GNB2: variants seen among roughly 807,000 people sequenced by gnomAD.
The protein encoded by GNB2 is guanine nucleotide-binding protein G(I)/G(S)/G(T) subunit beta-2.
Under a neutral mutation model 40.7 loss-of-function variants are expected in GNB2, and 7 were observed. The ratio of observed to expected loss-of-function variants is 0.17; its 90% confidence interval spans 0.10 to 0.32. The LOEUF is 0.32. GNB2 is among the 10% of genes least tolerant of loss of function. GNB2 has a pLI of 1.00. For missense variants in GNB2, 286 were observed against 473.0 expected (o/e 0.60, Z 3.67); for synonymous variants, 254 against 191.2 (o/e 1.33, Z -2.71).
In GNB2 at chr7:100,679,093, C is replaced by T. The variant is rs1562859616; in HGVS notation, c.*292C>T. On this transcript the variant is annotated 3_prime_UTR_variant, in exon 10 of 10. Coordinates refer to ENST00000303210, the MANE Select transcript of GNB2 (RefSeq NM_005273.4). ...AGGAGGTGGAAACCCCAGGGGCTGG[C>T]TTTTTTAAAACTGGTTTTATTTTAA... The T allele has an allele frequency of 2.0e-5, 8 of 393,450 alleles. No individual in the cohort carries two copies. Among genetic ancestry groups the T allele is most frequent in the Non-Finnish European group, 3.6e-5 (8 of 220,126 alleles). The allele number at this position is 393,450 out of a possible 1,614,324, so 24.4% of individuals were successfully genotyped here.
In GNB2 at chr7:100,676,468, C is replaced by T. The variant is rs539713671; in HGVS notation, c.58-67C>T. Reference sequence around the variant, plus strand: ...ACCCTGTCCACTCCTGTCTTCTGTTCTCTTCTCTCCCTTTCCTCCCCAACC... The same window carrying T: ...ACCCTGTCCACTCCTGTCTTCTGTTTTCTTCTCTCCCTTTCCTCCCCAACC... On this transcript the variant is annotated intron_variant, in intron 2 of 9. Transcript: ENST00000303210. The T allele has an allele frequency of 1.9e-4, 270 of 1,417,604 alleles. 3 individuals are homozygous for T. In the South Asian group the frequency reaches 2.8e-3, roughly 15 times the overall value. The allele number at this position is 1,417,604 out of a possible 1,614,324, so 87.8% of individuals were successfully genotyped here. A position where few individuals can be genotyped will look rare whatever the true frequency, so the allele number is the denominator to read the frequency against.
At position 100,676,304 on chromosome 7, in the gene GNB2, G is replaced by C; in HGVS notation, c.39G>C (p.Gln13His). ...AGCAACTGAGACAGGAGGCCGAGCA[G>C]CTCCGGAACCAGATCCGGGTGAGGG... is the stretch of plus-strand genomic sequence containing the variant. Reference protein sequence around the residue: ...ELEQLRQEAEQLRNQIRDARK... With the variant: ...ELEQLRQEAEHLRNQIRDARK... Residue 13 changes from glutamine (Q) to histidine (H), a missense_variant, in exon 2 of 10, where the codon CAG (glutamine) becomes CAC (histidine). Coordinates refer to ENST00000303210, the MANE Select transcript of GNB2 (RefSeq NM_005273.4). 1 of 1,607,630 alleles carries C rather than the reference G, an allele frequency of 6.2e-7. No individual in the cohort carries two copies. The highest frequency in any genetic ancestry group is 8.5e-7 in the Non-Finnish European group (1 of 1,177,468).
chr7:100,676,055 A>C, intron 1 of GNB2, 122 bp from the exon 2 acceptor site: 1 of 495,590 alleles, frequency 2.0e-6, no homozygotes, highest in Non-Finnish European at 3.5e-6. Context: ...GTGCCCGGGG[A>C]CGGCGGCCGC....
rs1210563626 is a variant in GNB2, at chr7:100,678,087, C to T, written c.498-11C>T. 10 of 1,602,110 alleles carry T rather than the reference C, an allele frequency of 6.2e-6. No individual in the cohort carries two copies. Among genetic ancestry groups the T allele is most frequent in the Non-Finnish European group, 8.6e-6 (10 of 1,169,200 alleles). On this transcript the variant is annotated splice_polypyrimidine_tract_variant and intron_variant, in intron 7 of 9. Coordinates refer to ENST00000303210, the MANE Select transcript of GNB2 (RefSeq NM_005273.4). ...TCTCTTATCTTTTCTTTCTTCCTGTCACCTCTCCAGTGCCCTGTGGGACAT... is the reference window on the plus strand; with the variant it reads ...TCTCTTATCTTTTCTTTCTTCCTGTTACCTCTCCAGTGCCCTGTGGGACAT...
chr7:100,675,878 C>A (rs959780591), intron 1 of GNB2: 1 of 224,164 alleles, frequency 4.5e-6, no homozygotes, highest in Non-Finnish European at 8.7e-6. Flanking sequence ...CACCCCCGCC[C>A]CCCCCGCCCC....
chr7:100,676,945 C>T, intron 4 of GNB2, 146 bp downstream of exon 4: 1 of 613,760 alleles, frequency 1.6e-6, no homozygotes, highest in Non-Finnish European at 2.9e-6. Flanking sequence ...TCCGCCAGAC[C>T]TGGACAGGCA....
In GNB2 at chr7:100,676,342, C is replaced by T. The variant is rs759533887; in HGVS notation, c.57+20C>T. ...ATCCGGGTGAGGGCCTGGTGCGGGG[C>T]GGGCGATTCATGTGTACACCGCCCG... is the stretch of plus-strand genomic sequence containing the variant. On this transcript the variant is annotated intron_variant, in intron 2 of 9. Transcript: ENST00000303210. 5.0e-6 allele frequency: 8 copies of T among 1,591,096 alleles called. No individual in the cohort carries two copies. Among genetic ancestry groups the T allele is most frequent in the East Asian group, 2.2e-5 (1 of 44,576 alleles).
Position 100,678,877 on chromosome 7 carries a change from G to A in GNB2, c.*76G>A, listed in dbSNP as rs1393993622. On this transcript the variant is annotated 3_prime_UTR_variant, in exon 10 of 10. Coordinates refer to ENST00000303210, the MANE Select transcript of GNB2 (RefSeq NM_005273.4). The stretch of plus-strand genomic sequence containing the variant: ...CACTACAGGCCAGGGCTGCGGGGCT[G>A]GCGCAATCCCAGCCCCCTTCCCCGG... 1.6e-5 allele frequency: 19 copies of A among 1,160,218 alleles called. No homozygotes were observed. Among genetic ancestry groups the A allele is most frequent in the Non-Finnish European group, 2.4e-5 (19 of 791,518 alleles). 71.9% of individuals were successfully genotyped at this position (1,160,218 alleles called of 1,614,324 possible).
In GNB2 at chr7:100,676,216, C is replaced by G. The variant is rs896093818; in HGVS notation, c.-50C>G. The G allele has an allele frequency of 8.4e-7, 1 of 1,190,772 alleles. No individual in the cohort carries two copies. Among genetic ancestry groups the G allele is most frequent in the African/African-American group, 1.5e-5 (1 of 66,460 alleles). The allele number at this position is 1,190,772 out of a possible 1,614,324, so 73.8% of individuals were successfully genotyped here. On this transcript the variant is annotated 5_prime_UTR_variant, in exon 2 of 10. Transcript: ENST00000303210. Reference sequence around the variant, plus strand: ...GCCAGGAGCTGCCTCCCCCAGCCCCCGTCCCGCGGCCCCCAGCCGCCCCCA... The same window carrying G: ...GCCAGGAGCTGCCTCCCCCAGCCCCGGTCCCGCGGCCCCCAGCCGCCCCCA...
intron 4 of GNB2, 48 bp downstream of exon 4, chr7:100,676,847 G>A (rs768009399): frequency 9.1e-7 from 1 of 1,097,520 alleles, no homozygotes; most frequent in South Asian, 1.4e-5. Flanking sequence ...TTTCTAGCAG[G>A]CCGTGGGAGC....
chr7:100,675,329 G>A (rs1284506050), intron 1 of GNB2: 2 of 151,454 alleles, frequency 1.3e-5, no homozygotes, highest in African/African-American at 4.8e-5. Context: ...GCGGCGGGGC[G>A]GGCGGTCCCT....
chr7:100,674,264 C>T (rs1465748584), intron 1 of GNB2, among the ~76,000 whole-genome samples: 1 of 151,078 alleles, frequency 6.6e-6, no homozygotes, highest in African/African-American at 2.4e-5. Context: ...CCACCGCCAC[C>T]CTCCCGCCTG....
rs756394669 is a variant in GNB2, at chr7:100,678,237, G to C, written c.637G>C (p.Val213Leu). The change falls in exon 8 of 10, where the codon GTG (valine) becomes CTG (leucine). Residue 213 changes from valine to leucine, a missense_variant. Transcript: ENST00000303210. Reference protein sequence around the residue: ...ACDASIKLWDVRDSMCRQTFI... With the variant: ...ACDASIKLWDLRDSMCRQTFI... ...TGATGCCTCTATCAAGCTGTGGGAC[G>C]TGCGGGATTCCATGTGCCGACAGAC... The C allele has an allele frequency of 6.2e-7, 1 of 1,613,950 alleles. No individual in the cohort carries two copies. Among genetic ancestry groups the C allele is most frequent in the Non-Finnish European group, 8.5e-7 (1 of 1,179,900 alleles).
At position 100,677,742 on chromosome 7, in the gene GNB2, C is replaced by G. The variant is rs776306316; in HGVS notation, c.431-10C>G. ...CGTGTGGAGACCTGGCTGACCAGCT[C>G]CTTCCCCAGGGTACCTGTCGTGTTG... On this transcript the variant is annotated splice_polypyrimidine_tract_variant and intron_variant, in intron 6 of 9. Coordinates refer to ENST00000303210, the MANE Select transcript of GNB2 (RefSeq NM_005273.4). 1.2e-6 allele frequency: 2 copies of G among 1,613,764 alleles called. No homozygotes were observed. The highest frequency in any genetic ancestry group is 1.7e-6 in the Non-Finnish European group (2 of 1,179,952).
rs376692035 is a variant in GNB2 at position 100,673,850 on chromosome 7, G to T, written c.-163G>T. ...CGCCGCCGCCGCCGCCGCCGCCGCC[G>T]CCTCCGCCGCGGAGGAAGACAGCGC... On this transcript the variant is annotated 5_prime_UTR_variant, in exon 1 of 10. Transcript: ENST00000303210. The T allele has an allele frequency of 4.5e-5, 8 of 178,146 alleles. No homozygotes were observed. The highest frequency in any genetic ancestry group is 1.6e-4 in the South Asian group (1 of 6,162). The allele number at this position is 178,146 out of a possible 1,614,324, so 11.0% of individuals were successfully genotyped here.
intron 1 of GNB2, 162 bp from the exon 2 acceptor site, chr7:100,676,015 G>A (rs1004426691): frequency 1.5e-5 from 7 of 473,932 alleles, no homozygotes; most frequent in Non-Finnish European, 2.6e-5. Context: ...CTCTTACTCG[G>A]CGACGTCTCT....
rs368070921 is a variant in GNB2, at chr7:100,678,194, G to A, written c.594G>A (p.Thr198=). The stretch of plus-strand genomic sequence containing the variant: ...TGTCCCTGGCCCCCGATGGCCGCAC[G>A]TTTGTGTCAGGCGCCTGTGATGCCT... ...MSLSLAPDGR[T]FVSGACDASI... is the part of the protein sequence containing the mutation. The change falls in exon 8 of 10, where the codon ACG becomes ACA. Residue 198 remains threonine, a synonymous_variant. Transcript: ENST00000303210. 14 of 1,613,860 alleles carry A rather than the reference G, an allele frequency of 8.7e-6. No individual in the cohort carries two copies. The highest frequency in any genetic ancestry group is 1.6e-4 in the Middle Eastern group (1 of 6,082).
intron 1 of GNB2, chr7:100,675,206 G>T (rs1804323105): frequency 6.6e-6 from 1 of 151,228 alleles, no homozygotes; most frequent in African/African-American, 2.4e-5. Context: ...CGGCCAGGCC[G>T]CCTGGGGCCG....
Position 100,678,907 on chromosome 7 carries a change from C to A in GNB2, c.*106C>A, listed in dbSNP as rs1584480534. 1.1e-6 allele frequency: 1 copy of A among 886,882 alleles called. No homozygotes were observed. The highest frequency in any genetic ancestry group is 1.8e-6 in the Non-Finnish European group (1 of 571,322). The allele number at this position is 886,882 out of a possible 1,614,324, so 54.9% of individuals were successfully genotyped here. The stretch of plus-strand genomic sequence containing the variant: ...AATCCCAGCCCCCTTCCCCGGGCCA[C>A]GGGGCCTTGGGTCCCTGCCCTCCCA... On this transcript the variant is annotated 3_prime_UTR_variant, in exon 10 of 10. Transcript: ENST00000303210.
Sources: allele counts gnomAD v4.1 joint callset (sites outside exome capture counted in the v4.1 genomes callset), GRCh38; gene constraint gnomAD v4.1.1; transcripts MANE v1.5; gene names NCBI Gene and HGNC (gene_info 2026-07-23, HGNC 2026-07-21).